The following EHMT1 variants were observed in gnomAD, a reference collection of about 807,000 sequenced individuals.
The protein encoded by EHMT1 is euchromatic histone lysine methyltransferase 1.
EHMT1 carries 15 observed loss-of-function variants against 147.2 expected under a neutral mutation model. The ratio of observed to expected loss-of-function variants is 0.10; its 90% CI spans 0.07 to 0.16. EHMT1 has a LOEUF of 0.16. Ranked by LOEUF, EHMT1 falls within the 10% of genes least tolerant of loss-of-function variation. EHMT1 has a pLI of 1.00. For synonymous variants in EHMT1, 795 were observed against 709.6 expected, an observed-to-expected ratio of 1.12 and a Z score of -1.91; for missense variants, 1,587 against 1,772.4, an observed-to-expected ratio of 0.90 and a Z score of 1.88.
At chr9:137,660,038 A>G (rs991120799) in intron 1 of EHMT1, among the ~76,000 whole-genome samples, 13 of 150,916 alleles carry the variant, frequency 8.6e-5, no homozygotes, top group African/African-American at 3.2e-4. Context: ...CAGGGATTCG[A>G]TTTCATCTTT....
At chr9:137,704,733 C>G (rs972939019) in intron 1 of EHMT1, among the ~76,000 whole-genome samples, 2 of 151,734 alleles carry the variant, frequency 1.3e-5, no homozygotes, top group African/African-American at 4.9e-5. Context: ...TCCTGGAAAT[C>G]CCAGGCTCTG....
At chr9:137,721,104 C>T (rs568386250) in intron 3 of EHMT1, among the ~76,000 whole-genome samples, 3 of 152,024 alleles carry the variant, frequency 2.0e-5, no homozygotes, top group African/African-American at 4.8e-5. Context: ...CGTGCGTATC[C>T]CTGTGACTGC....
At chr9:137,640,193 C>A (rs1844385668) in intron 1 of EHMT1, among the ~76,000 whole-genome samples, 1 of 152,174 alleles carries the variant, frequency 6.6e-6, no homozygotes, top group Non-Finnish European at 1.5e-5. Flanking sequence ...CCTCGGCCTC[C>A]CAAAGTGCTG....
At chr9:137,699,094 A>C (rs1588231215) in intron 1 of EHMT1, among the ~76,000 whole-genome samples, 1 of 152,188 alleles carries the variant, frequency 6.6e-6, no homozygotes, top group South Asian at 2.1e-4. Context: ...GCGGCTGAGG[A>C]GGCTCCACAG....
At chr9:137,715,016 T>C (rs1262054756) in intron 2 of EHMT1, among the ~76,000 whole-genome samples, 2 of 152,224 alleles carry the variant, frequency 1.3e-5, no homozygotes, top group South Asian at 4.1e-4. Flanking sequence ...TACTTTTTTT[T>C]CTTACATTTT....
chr9:137,777,071 C>G, intron 12 of EHMT1: 1 of 525,596 alleles, frequency 1.9e-6, no homozygotes, highest in Non-Finnish European at 3.4e-6. Flanking sequence ...CTGTTTTGAA[C>G]CGGTTTTCAC....
intron 25 of EHMT1, among the ~76,000 whole-genome samples, chr9:137,818,480 C>T (rs907934372): frequency 2.5e-5 from 2 of 81,184 alleles, no homozygotes; most frequent in East Asian, 5.4e-4. Flanking sequence ...AGGTGAAGGA[C>T]GGGCGCCGTG....
chr9:137,710,508 C>G (rs1255655689), intron 1 of EHMT1, among the ~76,000 whole-genome samples: 2 of 152,160 alleles, frequency 1.3e-5, no homozygotes, highest in African/African-American at 2.4e-5. Flanking sequence ...ATAATACATA[C>G]CTCTATAGAT....
At chr9:137,719,128 T>C (rs1369537600) in intron 3 of EHMT1, among the ~76,000 whole-genome samples, 1 of 152,228 alleles carries the variant, frequency 6.6e-6, no homozygotes, top group East Asian at 1.9e-4. Context: ...TTATAATTCT[T>C]CTATAATCTC....
At chr9:137,833,957 A>G (rs1421736909) in intron 25 of EHMT1, 4 of 279,458 alleles carry the variant, frequency 1.4e-5, no homozygotes, top group African/African-American at 9.0e-5. Context: ...AGCCCCTGCC[A>G]CTGCCTCACG....
At chr9:137,762,580 G>T (rs964160901) in intron 9 of EHMT1, 95 bp from the exon 10 acceptor site, 3 of 1,591,788 alleles carry the variant, frequency 1.9e-6, no homozygotes, top group Admixed American at 3.4e-5. Context: ...ATTTCCTGGC[G>T]TGTGAGATCA....
At chr9:137,815,306 G>A (rs553535501) in intron 22 of EHMT1, 19 of 170,888 alleles carry the variant, frequency 1.1e-4, no homozygotes, top group Middle Eastern at 3.0e-3. Context: ...GCTCATGTCC[G>A]AGTGGTGTCT....
chr9:137,630,358 A>G (rs565738480), intron 1 of EHMT1, among the ~76,000 whole-genome samples: 2 of 152,326 alleles, frequency 1.3e-5, no homozygotes, highest in African/African-American at 2.4e-5. Context: ...GATGGCCACA[A>G]TTGCTGCGGC....
chr9:137,771,333 G>C (rs1224486674), intron 10 of EHMT1, among the ~76,000 whole-genome samples: 1 of 151,412 alleles, frequency 6.6e-6, no homozygotes, highest in African/African-American at 2.4e-5. Context: ...CCAAGTCACT[G>C]GGATTACAGG....
intron 1 of EHMT1, among the ~76,000 whole-genome samples, chr9:137,632,167 T>C (rs928456329): frequency 1.3e-5 from 2 of 152,214 alleles, no homozygotes; most frequent in African/African-American, 4.8e-5. Flanking sequence ...ATCCCCCTCA[T>C]TCAGCGTCAC....
chr9:137,620,844 C>T (rs909393140), intron 1 of EHMT1, among the ~76,000 whole-genome samples: 2 of 152,200 alleles, frequency 1.3e-5, no homozygotes, highest in Non-Finnish European at 2.9e-5. Flanking sequence ...CATAGGCAGC[C>T]TTGAATAGGG....
chr9:137,654,354 G>C (rs1268207766), intron 1 of EHMT1, among the ~76,000 whole-genome samples: 1 of 149,266 alleles, frequency 6.7e-6, no homozygotes, highest in East Asian at 2.0e-4. Flanking sequence ...ACAGAGCGAG[G>C]AGACCCCACC....
chr9:137,779,870 C>T (rs1951248066), intron 14 of EHMT1, among the ~76,000 whole-genome samples, 153 bp downstream of exon 14: 1 of 152,198 alleles, frequency 6.6e-6, no homozygotes, highest in African/African-American at 2.4e-5. Flanking sequence ...GAATAGGTTG[C>T]CCACTGGTGT....
At chr9:137,741,877 A>T (rs1210920811) in intron 4 of EHMT1, among the ~76,000 whole-genome samples, 2 of 152,196 alleles carry the variant, frequency 1.3e-5, no homozygotes. Flanking sequence ...AAGCTGAGAG[A>T]CTTGACAGTT....
Sources: allele counts gnomAD v4.1 joint callset (sites outside exome capture counted in the v4.1 genomes callset), GRCh38; gene constraint gnomAD v4.1.1; transcripts MANE v1.5; gene names NCBI Gene and HGNC (gene_info 2026-07-23, HGNC 2026-07-21).